The following HDAC4 variants were observed in gnomAD, a reference collection of about 807,000 sequenced individuals.
HDAC4 encodes histone deacetylase 4.
In HDAC4, 16 loss-of-function variants were observed where a neutral mutation model predicts 135.1. The observed-to-expected ratio is 0.12, with a 90% CI of 0.08 to 0.18. HDAC4 has a LOEUF of 0.18. Among genes scored for constraint, HDAC4 ranks in the 10% least tolerant of loss-of-function variants. The pLI is 1.00. For missense variants in HDAC4, 1,143 were observed against 1,511.8 expected, an observed-to-expected ratio of 0.76 and a Z score of 4.05; for synonymous variants, 685 against 653.4, an observed-to-expected ratio of 1.05 and a Z score of -0.74.
chr2:239,391,011 G>A (rs752841278), intron 1 of HDAC4, among the ~76,000 whole-genome samples: 2 of 152,224 alleles, frequency 1.3e-5, no homozygotes, highest in African/African-American at 2.4e-5. Flanking sequence ...CATGACAGAC[G>A]GCAAAGCCGT....
rs371792033 is a variant in HDAC4 at position 239,134,438 on chromosome 2, C to A, written c.1101G>T (p.Thr367=). 1.2e-6 allele frequency: 2 copies of A among 1,613,408 alleles called. No homozygotes were observed. The highest frequency in any genetic ancestry group is 1.1e-5 in the South Asian group (1 of 91,034). ...GLPATGPSAG[T]AGQQDAERLT... ...GTCTCTCGGCGTCCTGCTGGCCCGC[C>A]GTGCCCTGGAAAGCACAGCCAGGAT... The change falls in exon 11 of 27, where the codon ACG becomes ACT. Residue 367 remains threonine, a synonymous_variant. Transcript: ENST00000543185.
chr2:239,249,443 G>A (rs2048655988), intron 2 of HDAC4, among the ~76,000 whole-genome samples: 1 of 152,238 alleles, frequency 6.6e-6, no homozygotes, highest in South Asian at 2.1e-4. Context: ...AAGACAGAGA[G>A]ACTTGAGTGG....
intron 6 of HDAC4, among the ~76,000 whole-genome samples, chr2:239,159,736 C>T (rs1205201876): frequency 3.9e-5 from 6 of 152,260 alleles, no homozygotes; most frequent in East Asian, 1.9e-4. Flanking sequence ...GGCCACCCCA[C>T]GGAGCCCTGA....
intron 2 of HDAC4, among the ~76,000 whole-genome samples, chr2:239,288,663 TA>T (rs374473592): frequency 9.6e-4 from 140 of 146,282 alleles, no homozygotes; most frequent in African/African-American, 2.3e-3. Flanking sequence ...AAAACTTAAT[TA>T]AAAAAAAAAC....
chr2:239,151,269 G>A (rs898728795), intron 7 of HDAC4, among the ~76,000 whole-genome samples: 2 of 152,202 alleles, frequency 1.3e-5, no homozygotes, highest in Admixed American at 6.5e-5. Flanking sequence ...GAACCATGAA[G>A]CCATGAAGTG....
At chr2:239,317,006 A>C (rs1050748485) in intron 2 of HDAC4, among the ~76,000 whole-genome samples, 4 of 152,184 alleles carry the variant, frequency 2.6e-5, no homozygotes, top group African/African-American at 9.7e-5. Context: ...GATGAGTAAC[A>C]ACCACGCTGG....
At chr2:239,298,073 G>C (rs1313879906) in intron 2 of HDAC4, 1 of 575,588 alleles carries the variant, frequency 1.7e-6, no homozygotes, top group Admixed American at 2.4e-5. Context: ...GTGTGTCATG[G>C]GTCTTTAGGG....
intron 2 of HDAC4, among the ~76,000 whole-genome samples, chr2:239,284,444 G>A (rs1197903985): frequency 4.6e-5 from 7 of 152,206 alleles, no homozygotes; most frequent in Non-Finnish European, 2.9e-5. Flanking sequence ...GGGGAGCATC[G>A]CAGAGCTGCC....
intron 8 of HDAC4, among the ~76,000 whole-genome samples, chr2:239,142,002 G>A (rs983846339): frequency 4.6e-5 from 7 of 152,240 alleles, no homozygotes; most frequent in African/African-American, 1.7e-4. Context: ...GCAGGATGGC[G>A]CAGGAAGATG....
chr2:239,102,920 C>A, intron 15 of HDAC4, 24 bp from the exon 16 acceptor site: 1 of 1,613,522 alleles, frequency 6.2e-7, no homozygotes, highest in South Asian at 1.1e-5. Flanking sequence ...CGAGAGGACA[C>A]TCACACGTTC....
At chr2:239,310,458 T>C (rs2125702521) in intron 2 of HDAC4, among the ~76,000 whole-genome samples, 1 of 152,250 alleles carries the variant, frequency 6.6e-6, no homozygotes, top group South Asian at 2.1e-4. Context: ...CCACAGTGTG[T>C]CTGTGAGAGA....
rs772822780 is a variant in HDAC4 at position 239,190,064 on chromosome 2, C to T, written c.108G>A (p.Thr36=). 40 of 1,600,246 alleles carry T rather than the reference C, an allele frequency of 2.5e-5. No individual in the cohort carries two copies. Among genetic ancestry groups the T allele is most frequent in the Middle Eastern group, 1.7e-4 (1 of 5,882 alleles). ...AGGGGGCCACTTGCAGAGGCAGCGC[C>T]GTGGCCACATCCACTGTGGGAAAAA... ...NHMPSTVDVA[T]ALPLQVAPSA... Residue 36 remains threonine (T), a synonymous_variant, in exon 4 of 27, where the codon ACG becomes ACA. Coordinates refer to ENST00000543185, the MANE Select transcript of HDAC4 (RefSeq NM_001378414.1).
chr2:239,381,637 C>G (rs1362144351), intron 1 of HDAC4, among the ~76,000 whole-genome samples: 1 of 152,148 alleles, frequency 6.6e-6, no homozygotes, highest in South Asian at 2.1e-4. Context: ...ACTTCTAATG[C>G]TAAATAAATG....
rs550601864 is a variant in HDAC4 at position 239,160,117 on chromosome 2, T to C, written c.612-3344A>G. On this transcript the variant is annotated intron_variant, in intron 6 of 26. Coordinates refer to ENST00000543185, the MANE Select transcript of HDAC4 (RefSeq NM_001378414.1). ...AGGATACTCCAGCAGAAATGTACCA[T>C]GATGGGAGCCACATGTGAAATTTAC... Among the ~76,000 whole-genome samples the C allele has an allele frequency of 7.1e-4, 108 of 152,334 alleles. 1 individual carries two copies. The highest frequency in any genetic ancestry group is 1.0e-3 in the Non-Finnish European group (71 of 68,026).
rs765619324 is a variant in HDAC4, at chr2:239,102,831, G to A, written c.2178C>T (p.Leu726=). 1 of 1,613,974 alleles carries A rather than the reference G, an allele frequency of 6.2e-7. No individual in the cohort carries two copies. Among genetic ancestry groups the A allele is most frequent in the East Asian group, 2.2e-5 (1 of 44,886 alleles). ...LQTVHSEAHT[L]LYGTNPLNRQ... is the part of the protein sequence containing the mutation. The stretch of plus-strand genomic sequence containing the variant: ...GGTTGAGGGGGTTCGTGCCATACAG[G>A]AGGGTGTGGGCTTCCGAGTGCACCG... The change falls in exon 16 of 27, where the codon CTC becomes CTT. Residue 726 remains leucine (L), a synonymous_variant. Transcript: ENST00000543185.
intron 6 of HDAC4, chr2:239,162,455 C>T: frequency 4.8e-6 from 2 of 415,258 alleles, no homozygotes; most frequent in South Asian, 1.7e-5. Context: ...CGCCCTGCCC[C>T]AGCCAGTAGG....
chr2:239,341,566 G>C (rs1692300614), intron 2 of HDAC4, among the ~76,000 whole-genome samples: 1 of 152,222 alleles, frequency 6.6e-6, no homozygotes, highest in South Asian at 2.1e-4. Context: ...GAAACCCTGA[G>C]TGTGCTCAGA....
intron 1 of HDAC4, among the ~76,000 whole-genome samples, chr2:239,396,786 A>G (rs1476790461): frequency 6.6e-6 from 1 of 152,254 alleles, no homozygotes; most frequent in Non-Finnish European, 1.5e-5. Flanking sequence ...TTGGTATTGA[A>G]AGAGTAGATT....
In HDAC4 at chr2:239,313,481, A is replaced by G. The variant is rs1431651046; in HGVS notation, c.22+39197T>C. Among the ~76,000 whole-genome samples the G allele has an allele frequency of 6.6e-6, 1 of 152,088 alleles. No individual in the cohort carries two copies. Among genetic ancestry groups the G allele is most frequent in the East Asian group, 1.9e-4 (1 of 5,166 alleles). ...TTGGGGGCTGGCCATCCCACCGAGCACTGATACCGCAGGCTGGACTCTTCC... is the reference window on the plus strand; with the variant it reads ...TTGGGGGCTGGCCATCCCACCGAGCGCTGATACCGCAGGCTGGACTCTTCC... On this transcript the variant is annotated intron_variant, in intron 2 of 26. Transcript: ENST00000543185. The surrounding 1 kb of genome is among the most constrained non-coding windows in gnomAD (Gnocchi z 5.1).
Sources: gnomAD v4.1 joint callset for allele counts (sites outside exome capture counted in the v4.1 genomes callset) on GRCh38, gnomAD v4.1.1 for gene constraint, Gnocchi (gnomAD v3.1) non-coding constraint, MANE v1.5 for transcripts, NCBI Gene and HGNC (gene_info 2026-07-23, HGNC 2026-07-21) for gene names.